The following IL1RAPL2 variants were observed in gnomAD, a reference collection of about 807,000 sequenced individuals.
IL1RAPL2 encodes the protein interleukin 1 receptor accessory protein like 2, also known as X-linked interleukin-1 receptor accessory protein-like 2.
Under a neutral mutation model 44.1 loss-of-function variants are expected in IL1RAPL2, and 3 were observed. The observed-to-expected ratio is 0.07, with a 90% confidence interval of 0.03 to 0.18. The LOEUF is 0.18. Among genes scored for constraint, IL1RAPL2 ranks in the 10% least tolerant of loss-of-function variants. The pLI is 1.00. For missense variants in IL1RAPL2, 391 were observed against 496.4 expected (o/e 0.79, Z 2.02); for synonymous variants, 181 against 178.8 (o/e 1.01, Z -0.10).
intron 6 of IL1RAPL2, among the ~76,000 whole-genome samples, chrX:105,663,920 C>A (rs1026953163): frequency 5.3e-5 from 6 of 112,184 alleles, no homozygotes; most frequent in Middle Eastern, 4.6e-3. Flanking sequence ...AAATGTTGCA[C>A]TTTTTGAAAA....
intron 5 of IL1RAPL2, among the ~76,000 whole-genome samples, chrX:105,331,277 A>G (rs1339730003): frequency 9.0e-6 from 1 of 110,848 alleles, no homozygotes; most frequent in African/African-American, 3.3e-5. Flanking sequence ...CCCACTTCAC[A>G]TTTTTCCCCA....
At chrX:104,746,142 T>C (rs950203601) in intron 2 of IL1RAPL2, among the ~76,000 whole-genome samples, 1 of 111,701 alleles carries the variant, frequency 9.0e-6, no homozygotes, top group Non-Finnish European at 1.9e-5. Context: ...GCCGGACACA[T>C]TACATACATT....
chrX:104,868,463 C>T (rs377490028), intron 2 of IL1RAPL2, among the ~76,000 whole-genome samples: 8 of 111,989 alleles, frequency 7.1e-5, no homozygotes, highest in East Asian at 2.8e-4. Flanking sequence ...CCCATTCCTT[C>T]GTTTTCATTT....
chrX:104,723,346 A>T (rs1273136238), intron 2 of IL1RAPL2, among the ~76,000 whole-genome samples: 1 of 111,306 alleles, frequency 9.0e-6, no homozygotes, highest in Non-Finnish European at 1.9e-5. Context: ...AATATTGCAG[A>T]TACATGTAAC....
intron 2 of IL1RAPL2, among the ~76,000 whole-genome samples, chrX:104,883,053 A>G (rs1484065795): frequency 9.0e-6 from 1 of 111,630 alleles, no homozygotes; most frequent in African/African-American, 3.3e-5. Context: ...ACCATCTTTA[A>G]GAACTGTAAC....
At chrX:105,676,365 C>T (rs766148415) in intron 6 of IL1RAPL2, among the ~76,000 whole-genome samples, 2 of 111,143 alleles carry the variant, frequency 1.8e-5, no homozygotes, top group African/African-American at 6.5e-5. Flanking sequence ...AAATATTTTT[C>T]TAGACACAAT....
At chrX:105,354,222 A>G (rs1316312146) in intron 5 of IL1RAPL2, among the ~76,000 whole-genome samples, 3 of 111,129 alleles carry the variant, frequency 2.7e-5, no homozygotes, top group Non-Finnish European at 3.8e-5. Flanking sequence ...TTGCAGCAGT[A>G]TTCACAATAG....
intron 2 of IL1RAPL2, among the ~76,000 whole-genome samples, chrX:104,918,820 A>G (rs1924541001): frequency 8.9e-6 from 1 of 112,012 alleles, no homozygotes; most frequent in Admixed American, 9.5e-5. Flanking sequence ...CCCGTATACT[A>G]TTCTTGATGG....
chrX:104,718,005 T>C (rs1931608303), intron 2 of IL1RAPL2, among the ~76,000 whole-genome samples: 1 of 111,374 alleles, frequency 9.0e-6, no homozygotes, highest in African/African-American at 3.3e-5. Context: ...AGTCTATCAT[T>C]GTTGGACATT....
chrX:105,261,902 T>C (rs1258699418), intron 4 of IL1RAPL2, among the ~76,000 whole-genome samples: 1 of 111,765 alleles, frequency 8.9e-6, no homozygotes, highest in Non-Finnish European at 1.9e-5. Flanking sequence ...CTCTGAACTG[T>C]GACCACAAGT....
chrX:105,654,339 A>G (rs1350761941), intron 6 of IL1RAPL2, among the ~76,000 whole-genome samples: 1 of 111,234 alleles, frequency 9.0e-6, no homozygotes, highest in Non-Finnish European at 1.9e-5. Flanking sequence ...GCTCCTCTCT[A>G]GGTCAACACT....
intron 6 of IL1RAPL2, among the ~76,000 whole-genome samples, chrX:105,711,792 C>CATACAA (rs1298651099): frequency 8.9e-6 from 1 of 111,799 alleles, no homozygotes; most frequent in Non-Finnish European, 1.9e-5. Context: ...GTGGGACAGG[C>CATACAA]ATACAATAGA....
intron 2 of IL1RAPL2, among the ~76,000 whole-genome samples, chrX:104,968,012 A>G (rs374777882): frequency 2.7e-5 from 3 of 111,670 alleles, no homozygotes; most frequent in Non-Finnish European, 5.7e-5. Context: ...ACTCTCCCCA[A>G]AAGATAAAAA....
At chrX:104,718,347 G>C (rs1055887097) in intron 2 of IL1RAPL2, among the ~76,000 whole-genome samples, 1 of 111,096 alleles carries the variant, frequency 9.0e-6, no homozygotes, top group African/African-American at 3.3e-5. Flanking sequence ...ACATTTCTCT[G>C]ATGGCCAGTG....
chrX:105,209,008 A>G, intron 3 of IL1RAPL2, among the ~76,000 whole-genome samples: 1 of 111,849 alleles, frequency 8.9e-6, no homozygotes, highest in Non-Finnish European at 1.9e-5. Context: ...CATTTTGCTC[A>G]CATGAATCTT....
intron 2 of IL1RAPL2, among the ~76,000 whole-genome samples, chrX:104,918,420 AAAAC>A (rs1248500821): frequency 1.8e-5 from 2 of 111,991 alleles, no homozygotes; most frequent in East Asian, 2.8e-4. Context: ...AACTGGAAAA[AAAAC>A]AAAAAAGTAG....
At chrX:105,034,896 C>A (rs190545031) in intron 2 of IL1RAPL2, among the ~76,000 whole-genome samples, 2 of 108,439 alleles carry the variant, frequency 1.8e-5, no homozygotes, top group Non-Finnish European at 3.8e-5. Context: ...CCACCCAGTT[C>A]GAGCTTCCCA....
intron 1 of IL1RAPL2, among the ~76,000 whole-genome samples, chrX:104,634,866 T>C (rs1373591456): frequency 3.6e-5 from 4 of 111,922 alleles, no homozygotes; most frequent in Non-Finnish European, 7.5e-5. Flanking sequence ...TTATTATTTG[T>C]GAATTTGATC....
chrX:104,835,564 A>G (rs1434081151), intron 2 of IL1RAPL2, among the ~76,000 whole-genome samples: 4 of 111,255 alleles, frequency 3.6e-5, no homozygotes, highest in Non-Finnish European at 7.5e-5. Flanking sequence ...TATGTGTTAC[A>G]TTTTTCCTAA....
Sources: allele counts gnomAD v4.1 joint callset (sites outside exome capture counted in the v4.1 genomes callset), GRCh38; gene constraint gnomAD v4.1.1; transcripts MANE v1.5; gene names NCBI Gene and HGNC (gene_info 2026-07-23, HGNC 2026-07-21).